Variants in BRD2 observed in about 807,000 individuals in gnomAD.
BRD2 encodes the protein bromodomain-containing protein 2.
In BRD2, 15 loss-of-function variants were observed where a neutral mutation model predicts 79.1. That is an observed-to-expected ratio of 0.19 (90% CI 0.13 to 0.29). The LOEUF (loss-of-function observed/expected upper bound fraction) is 0.29, where lower values mean the gene tolerates loss of function less well. Ranked by LOEUF, BRD2 falls within the 10% of genes least tolerant of loss-of-function variation. The probability of loss-of-function intolerance (pLI) is 1.00; values close to 1 mark genes in which losing one functional copy is unlikely to be tolerated. For missense variants in BRD2, 1,053 were observed against 991.3 expected (o/e 1.06, Z -0.84); for synonymous variants, 488 against 358.6 (o/e 1.36, Z -4.08).
In BRD2 at chr6:32,980,677, T is replaced by C; in HGVS notation, c.2365T>C (p.Ser789Pro). 4 of 1,612,216 alleles carry C rather than the reference T, an allele frequency of 2.5e-6. No individual in the cohort carries two copies. Among genetic ancestry groups the C allele is most frequent in the Non-Finnish European group, 3.4e-6 (4 of 1,179,766 alleles). Reference sequence around the variant, plus strand: ...CTCAGATTCCAGCTCCTCCTCTTCCTCGTCGTCGTCTTCAGACACCAGTGA... The same window carrying C: ...CTCAGATTCCAGCTCCTCCTCTTCCCCGTCGTCGTCTTCAGACACCAGTGA... The part of the protein sequence containing the change: ...SSSDSSSSSS[S>P]SSSSDTSDSD... The change falls in exon 13 of 13, where the codon TCG becomes CCG. Residue 789 changes from serine to proline, a missense_variant. Physicochemically the swap from Ser to Pro is moderately conservative, Grantham distance 74 (BLOSUM62 -1). Transcript: ENST00000374825.
In BRD2 at chr6:32,974,758, G is replaced by C; in HGVS notation, c.326G>C (p.Gly109Ala). The change falls in exon 3 of 13, where the codon GGT (glycine) becomes GCT (alanine). Residue 109 changes from glycine to alanine, a missense_variant. By Grantham distance (60) the Gly-to-Ala change is moderately conservative. This residue lies in a region of BRD2 where 413 missense variants were observed against 335.1 expected (regional missense o/e 1.23). Coordinates refer to ENST00000374825, the MANE Select transcript of BRD2 (RefSeq NM_005104.4). ...FRQPVDAVKL[G>A]LPDYHKIIKQ... Reference sequence around the variant, plus strand: ...CAGCCTGTGGATGCTGTCAAACTGGGTCTACCGGTGAGTAGAGACATTGGA... The same window carrying C: ...CAGCCTGTGGATGCTGTCAAACTGGCTCTACCGGTGAGTAGAGACATTGGA... The C allele has an allele frequency of 1.2e-6, 2 of 1,613,532 alleles. No homozygotes were observed. The highest frequency in any genetic ancestry group is 1.1e-5 in the South Asian group (1 of 91,062).
chr6:32,971,784 G>A lies in BRD2; in HGVS notation c.-1115G>A. ...GTCTCCAGTTGGGCTGTGCATGGAA[G>A]CTTGGGAAGACTTTGTTGGAAGGGG... On this transcript the variant is annotated 5_prime_UTR_variant, in exon 2 of 13. Coordinates refer to ENST00000374825, the MANE Select transcript of BRD2 (RefSeq NM_005104.4). 1 of 627,882 alleles carries A rather than the reference G, an allele frequency of 1.6e-6. No individual in the cohort carries two copies. Among genetic ancestry groups the A allele is most frequent in the Non-Finnish European group, 2.8e-6 (1 of 351,272 alleles). 38.9% of individuals were successfully genotyped at this position (627,882 alleles called of 1,614,324 possible). A position where few individuals can be genotyped will look rare whatever the true frequency, so the allele number is the denominator to read the frequency against.
chr6:32,974,899 G>C, intron 3 of BRD2, 134 bp downstream of exon 3: 2 of 1,390,654 alleles, frequency 1.4e-6, no homozygotes, highest in South Asian at 1.3e-5. Flanking sequence ...TTAGCTACCA[G>C]ATTTCTGGGT....
rs17214092 is a variant in BRD2, at chr6:32,976,873, T to C, written c.1137T>C (p.Ser379=). The change falls in exon 7 of 13, where the codon TCT becomes TCC. Residue 379 remains serine, a synonymous_variant. Coordinates refer to ENST00000374825, the MANE Select transcript of BRD2 (RefSeq NM_005104.4). ...CTTTCTATAAACCAGTGGATGCTTC[T>C]GCACTTGGCCTGCATGACTACCATG... ...AWPFYKPVDA[S]ALGLHDYHDI... 6.8e-6 allele frequency: 11 copies of C among 1,613,030 alleles called. No homozygotes were observed. The African/African-American group carries it at 1.5e-4, about 22-fold the overall frequency.
intron 3 of BRD2, 96 bp from the exon 4 acceptor site, chr6:32,975,288 G>GTA: frequency 4.0e-6 from 4 of 1,004,020 alleles, no homozygotes; most frequent in Non-Finnish European, 5.8e-6. Flanking sequence ...TAGGGGGGGT[G>GTA]TGTGTGTGTG....
intron 11 of BRD2, 51 bp from the exon 12 acceptor site, chr6:32,980,291 A>C (rs1204360949): frequency 6.2e-7 from 1 of 1,605,104 alleles, no homozygotes; most frequent in Non-Finnish European, 8.5e-7. Flanking sequence ...GGGGCCCATA[A>C]TAAGATGCTT....
In BRD2 at chr6:32,976,343, C is replaced by T. The variant is rs755008199; in HGVS notation, c.704C>T (p.Thr235Ile). The change falls in exon 6 of 13, where the codon ACC becomes ATC. Residue 235 changes from threonine (T) to isoleucine (I), a missense_variant. Thr to Ile is a moderately conservative substitution (Grantham distance 89). This residue lies in a region of BRD2 where 413 missense variants were observed against 335.1 expected (regional missense o/e 1.23). Transcript: ENST00000374825. ...ALYTPPPEIP[T>I]TVLNIPHPSV... is the part of the protein sequence containing the mutation. ...TATACTCCTCCACCTGAGATACCTA[C>T]CACTGTCCTCAACATTCCCCACCCA... 2.5e-6 allele frequency: 4 copies of T among 1,612,970 alleles called. No homozygotes were observed. Among genetic ancestry groups the T allele is most frequent in the Admixed American group, 3.3e-5 (2 of 60,002 alleles).
chr6:32,980,780 C>A lies in BRD2; in HGVS notation c.*62C>A. 1 of 1,582,626 alleles carries A rather than the reference C, an allele frequency of 6.3e-7. No homozygotes were observed. The highest frequency in any genetic ancestry group is 8.6e-7 in the Non-Finnish European group (1 of 1,157,276). Reference sequence around the variant, plus strand: ...ACCGGACCCCTAGACCACCCTGCCCCACCTGCCCCTTCCCCCTTTGCTGTG... The same window carrying A: ...ACCGGACCCCTAGACCACCCTGCCCAACCTGCCCCTTCCCCCTTTGCTGTG... On this transcript the variant is annotated 3_prime_UTR_variant, in exon 13 of 13. Coordinates refer to ENST00000374825, the MANE Select transcript of BRD2 (RefSeq NM_005104.4).
Position 32,972,903 on chromosome 6 carries a change from T to G in BRD2, c.5T>G (p.Leu2Arg), listed in dbSNP as rs1345703139. The G allele has an allele frequency of 3.1e-6, 5 of 1,613,936 alleles. No homozygotes were observed. The highest frequency in any genetic ancestry group is 3.4e-6 in the Non-Finnish European group (4 of 1,179,976). Residue 2 changes from leucine (L) to arginine (R), a missense_variant, in exon 2 of 13, where the codon CTG (leucine) becomes CGG (arginine). This residue lies in a region of BRD2 where 413 missense variants were observed against 335.1 expected (regional missense o/e 1.23). Coordinates refer to ENST00000374825, the MANE Select transcript of BRD2 (RefSeq NM_005104.4). MLQNVTPHNKLP... is the reference protein window; with the variant it reads MRQNVTPHNKLP... Reference sequence around the variant, plus strand: ...CGCCGGTTCCTTGCGGTCAAGATGCTGCAAAACGTGACTCCCCACAATAAG... The same window carrying G: ...CGCCGGTTCCTTGCGGTCAAGATGCGGCAAAACGTGACTCCCCACAATAAG...
Position 32,972,796 on chromosome 6 carries a change from C to T in BRD2, c.-103C>T, listed in dbSNP as rs576387027. On this transcript the variant is annotated 5_prime_UTR_variant, in exon 2 of 13. Transcript: ENST00000374825. ...TCGCCTGGAGGCCCAAGAGGAACGG[C>T]CTCCCCCCAACTTAGCGGGTTATGC... 27 of 1,567,794 alleles carry T rather than the reference C, an allele frequency of 1.7e-5. No homozygotes were observed. Among genetic ancestry groups the T allele is most frequent in the African/African-American group, 6.7e-5 (5 of 74,308 alleles).
At chr6:32,979,479 T>C in intron 10 of BRD2, 1 of 299,038 alleles carries the variant, frequency 3.3e-6, no homozygotes, top group Non-Finnish European at 6.2e-6. Context: ...CGGAGTTTTT[T>C]TTAGATACTA....
rs199876176 is a variant in BRD2, at chr6:32,972,931, C to G, written c.29+4C>G. The G allele has an allele frequency of 6.2e-7, 1 of 1,613,952 alleles. No homozygotes were observed. The highest frequency in any genetic ancestry group is 8.5e-7 in the Non-Finnish European group (1 of 1,179,982). On this transcript the variant is annotated splice_donor_region_variant and intron_variant, in intron 2 of 12. Coordinates refer to ENST00000374825, the MANE Select transcript of BRD2 (RefSeq NM_005104.4). Reference sequence around the variant, plus strand: ...AAAACGTGACTCCCCACAATAAGTACGTTTCCGCGAGCCGCGTGTGGGAAG... The same window carrying G: ...AAAACGTGACTCCCCACAATAAGTAGGTTTCCGCGAGCCGCGTGTGGGAAG...
chr6:32,978,646 A>G (rs1779096168), intron 10 of BRD2: 1 of 597,658 alleles, frequency 1.7e-6, no homozygotes, highest in Non-Finnish European at 2.9e-6. Context: ...CATAAGGAGC[A>G]TGCAGCCTGG....
In BRD2 at chr6:32,971,705, C is replaced by A. The variant is rs1052873105; in HGVS notation, c.-1194C>A. 1.7e-5 allele frequency: 9 copies of A among 524,130 alleles called. No individual in the cohort carries two copies. Among genetic ancestry groups the A allele is most frequent in the Non-Finnish European group, 3.4e-6 (1 of 297,668 alleles). 32.5% of individuals were successfully genotyped at this position (524,130 alleles called of 1,614,324 possible). On this transcript the variant is annotated 5_prime_UTR_variant, in exon 2 of 13. Transcript: ENST00000374825. The stretch of plus-strand genomic sequence containing the variant: ...ACGCCCACGCGACCCCTCCCGTTTC[C>A]CTGCTTTGGCCAATGGAGGAGCTAC...
chr6:32,977,064 G>A, intron 7 of BRD2, 128 bp downstream of exon 7: 3 of 1,317,142 alleles, frequency 2.3e-6, no homozygotes, highest in Non-Finnish European at 2.0e-6. Flanking sequence ...TAAAATAATA[G>A]TGGAACAGAA....
At position 32,971,597 on chromosome 6, in the gene BRD2, T is replaced by G. The variant is rs1392838016; in HGVS notation, c.-1302T>G. 2 of 452,456 alleles carry G rather than the reference T, an allele frequency of 4.4e-6. No homozygotes were observed. The highest frequency in any genetic ancestry group is 7.8e-6 in the Non-Finnish European group (2 of 256,696). 28.0% of individuals were successfully genotyped at this position (452,456 alleles called of 1,614,324 possible). ...TGGCGTCTTTTTCCTCGTTTCAGAT[T>G]CTTCGCTGCTGCTGCCTTACCGCCG... On this transcript the variant is annotated splice_region_variant and 5_prime_UTR_variant, in exon 2 of 13. In the 5' UTR this introduces an upstream ATG that the reference lacks. Coordinates refer to ENST00000374825, the MANE Select transcript of BRD2 (RefSeq NM_005104.4).
At chr6:32,975,979 ATCTT>A in intron 4 of BRD2, 48 bp from the exon 5 acceptor site, 2 of 1,556,082 alleles carry the variant, frequency 1.3e-6, no homozygotes. Context: ...GTGTGTATCT[ATCTT>A]CTGTTGGCAT....
intron 2 of BRD2, 141 bp from the exon 3 acceptor site, chr6:32,974,321 A>G (rs935403595): frequency 3.7e-6 from 3 of 814,836 alleles, no homozygotes; most frequent in Non-Finnish European, 6.0e-6. Flanking sequence ...GATTGTTTGG[A>G]TATTGTTTCT....
intron 10 of BRD2, chr6:32,979,333 C>T: frequency 6.2e-6 from 1 of 160,834 alleles, no homozygotes; most frequent in Non-Finnish European, 1.4e-5. Flanking sequence ...CCGCCTTGGC[C>T]TCCCAAAGTG....
Sources: allele counts gnomAD v4.1 joint callset, GRCh38; gene constraint gnomAD v4.1.1; regional missense constraint gnomAD v4.1.1; transcripts MANE v1.5; gene names NCBI Gene and HGNC (gene_info 2026-07-23, HGNC 2026-07-21).